The following DIAPH3 variants were observed in gnomAD, a reference collection of about 807,000 sequenced individuals.
The protein encoded by DIAPH3 is diaphanous related formin 3, also known as protein diaphanous homolog 3.
Under a neutral mutation model 144.3 loss-of-function variants are expected in DIAPH3, and 117 were observed. That is an observed-to-expected ratio of 0.81 (90% confidence interval 0.70 to 0.95). DIAPH3 has a LOEUF of 0.95. Ranked by LOEUF, DIAPH3 falls within the 40% of genes least tolerant of loss-of-function variation. The probability of loss-of-function intolerance (pLI) is 0.00; values close to 1 mark genes in which losing one functional copy is unlikely to be tolerated. For missense variants in DIAPH3, 1,421 were observed against 1,412.7 expected (o/e 1.01, Z -0.09); for synonymous variants, 519 against 488.9 (o/e 1.06, Z -0.81).
At chr13:59,697,459 C>CAAAAAAAAAAAAAAAAAAA (rs58372882) in intron 27 of DIAPH3, among the ~76,000 whole-genome samples, 2 of 31,162 alleles carry the variant, frequency 6.4e-5, no homozygotes, top group Admixed American at 6.1e-4. Flanking sequence ...GACACTGTCT[C>CAAAAAAAAAAAAAAAAAAA]AAAAAAAAAA....
chr13:59,717,716 T>C (rs931774898), intron 27 of DIAPH3, among the ~76,000 whole-genome samples: 2 of 152,104 alleles, frequency 1.3e-5, no homozygotes, highest in Non-Finnish European at 2.9e-5. Flanking sequence ...CACCTCAACA[T>C]TGTTAGGTGG....
intron 17 of DIAPH3, among the ~76,000 whole-genome samples, chr13:59,930,151 GT>G (rs1447035681): frequency 6.6e-6 from 1 of 151,940 alleles, no homozygotes; most frequent in African/African-American, 2.4e-5. Context: ...GCCTAATTTT[GT>G]ATACATGTTT....
At chr13:59,960,176 GTCC>G (rs1417366696) in intron 17 of DIAPH3, among the ~76,000 whole-genome samples, 1 of 152,098 alleles carries the variant, frequency 6.6e-6, no homozygotes, top group Non-Finnish European at 1.5e-5. Flanking sequence ...CAAGAGTTCT[GTCC>G]TCCTCATCTA....
At chr13:59,743,557 A>G (rs2036566317) in intron 27 of DIAPH3, among the ~76,000 whole-genome samples, 2 of 152,112 alleles carry the variant, frequency 1.3e-5, no homozygotes, top group Non-Finnish European at 2.9e-5. Context: ...GAGAGCCCAA[A>G]CTAAGAACGG....
chr13:59,737,998 C>T (rs2036246179), intron 27 of DIAPH3, among the ~76,000 whole-genome samples: 1 of 151,922 alleles, frequency 6.6e-6, no homozygotes, highest in Non-Finnish European at 1.5e-5. Context: ...GAAAATCTGT[C>T]TTTACTAAAA....
intron 4 of DIAPH3, among the ~76,000 whole-genome samples, chr13:60,079,841 A>G (rs2057493260): frequency 6.6e-6 from 1 of 151,998 alleles, no homozygotes; most frequent in Non-Finnish European, 1.5e-5. Flanking sequence ...AATATGAATC[A>G]GATTTAAGAA....
intron 20 of DIAPH3, among the ~76,000 whole-genome samples, chr13:59,906,536 G>A (rs184593610): frequency 3.0e-4 from 46 of 152,270 alleles, no homozygotes; most frequent in African/African-American, 8.9e-4. Context: ...GATTTTTAAT[G>A]CAGGGAGATA....
chr13:59,941,395 T>A (rs1331935502), intron 17 of DIAPH3, among the ~76,000 whole-genome samples: 3 of 152,136 alleles, frequency 2.0e-5, no homozygotes, highest in Admixed American at 2.0e-4. Context: ...GGGTGTGCTC[T>A]CTTCCTCCTC....
chr13:60,129,479 T>G (rs1008395463), intron 2 of DIAPH3, among the ~76,000 whole-genome samples: 1 of 152,226 alleles, frequency 6.6e-6, no homozygotes, highest in Non-Finnish European at 1.5e-5. Flanking sequence ...TCAATTCTGA[T>G]AGTAACTCAA....
At chr13:60,120,684 T>C (rs529110505) in intron 2 of DIAPH3, among the ~76,000 whole-genome samples, 2 of 152,312 alleles carry the variant, frequency 1.3e-5, no homozygotes, top group East Asian at 3.9e-4. Flanking sequence ...TGTCATGCCA[T>C]GGAGCAGTGT....
chr13:59,863,271 C>T (rs2043711127), intron 21 of DIAPH3, among the ~76,000 whole-genome samples: 1 of 148,126 alleles, frequency 6.8e-6, no homozygotes, highest in African/African-American at 2.6e-5. Flanking sequence ...AGCAGAGATA[C>T]AAATAAAGGG....
At chr13:60,055,184 CT>C (rs1030159215) in intron 4 of DIAPH3, among the ~76,000 whole-genome samples, 1 of 151,888 alleles carries the variant, frequency 6.6e-6, no homozygotes, top group African/African-American at 2.4e-5. Flanking sequence ...TACTTCCCCC[CT>C]TTTCACTTCT....
chr13:60,122,629 CA>C (rs1344321899), intron 2 of DIAPH3, among the ~76,000 whole-genome samples: 1 of 152,076 alleles, frequency 6.6e-6, no homozygotes, highest in Non-Finnish European at 1.5e-5. Context: ...TTTTTCTCAA[CA>C]ATATTTTAAA....
chr13:59,946,493 T>C (rs944088008), intron 17 of DIAPH3, among the ~76,000 whole-genome samples: 2 of 152,154 alleles, frequency 1.3e-5, no homozygotes, highest in South Asian at 2.1e-4. Context: ...AGATAGCATA[T>C]GAAACACAAT....
chr13:59,836,826 C>T (rs1283690292), intron 23 of DIAPH3, among the ~76,000 whole-genome samples: 1 of 151,868 alleles, frequency 6.6e-6, no homozygotes, highest in Admixed American at 6.6e-5. Flanking sequence ...CAATGAAAAA[C>T]ATGAACAAAG....
intron 21 of DIAPH3, among the ~76,000 whole-genome samples, chr13:59,873,942 G>A (rs779644424): frequency 6.6e-6 from 1 of 152,152 alleles, no homozygotes; most frequent in Non-Finnish European, 1.5e-5. Flanking sequence ...AAAGTGCTGG[G>A]ATTACAGGCA....
At chr13:59,670,418 C>T (rs529202282) in intron 27 of DIAPH3, among the ~76,000 whole-genome samples, 1 of 152,278 alleles carries the variant, frequency 6.6e-6, no homozygotes, top group South Asian at 2.1e-4. Flanking sequence ...CTGGTCCTCA[C>T]CTTCTTTTTG....
At chr13:59,707,180 TTTTAA>T (rs2034478079) in intron 27 of DIAPH3, among the ~76,000 whole-genome samples, 1 of 152,168 alleles carries the variant, frequency 6.6e-6, no homozygotes, top group African/African-American at 2.4e-5. Flanking sequence ...CAAGTTTAAG[TTTTAA>T]TGCATTTTTA....
intron 14 of DIAPH3, among the ~76,000 whole-genome samples, chr13:59,979,287 A>T (rs2050850938): frequency 6.6e-6 from 1 of 151,598 alleles, no homozygotes; most frequent in African/African-American, 2.4e-5. Context: ...TAAAAATGAT[A>T]ACAAAATCAA....
Sources: gnomAD v4.1 joint callset for allele counts (sites outside exome capture counted in the v4.1 genomes callset) on GRCh38, gnomAD v4.1.1 for gene constraint, MANE v1.5 for transcripts, NCBI Gene and HGNC (gene_info 2026-07-23, HGNC 2026-07-21) for gene names.